MDFIC2: variants seen among roughly 807,000 people sequenced by gnomAD.
MDFIC2 encodes MyoD family inhibitor domain containing 2, also known as myoD family inhibitor domain-containing protein 2.
At chr3:70,281,818 A>T (rs1379835229) in intron 2 of MDFIC2, among the ~76,000 whole-genome samples, 2 of 152,176 alleles carry the variant, frequency 1.3e-5, no homozygotes, top group African/African-American at 4.8e-5. Flanking sequence ...TCATAAGTGC[A>T]CCTTGTTTAC....
In MDFIC2 at chr3:70,276,949, T is replaced by G. The variant is rs73836214; in HGVS notation, c.88+34937A>C. On this transcript the variant is annotated intron_variant, in intron 2 of 3. Transcript: ENST00000567252. ...AATCCTCACATTAATAAAGTGAACA[T>G]GTCTTGGTTTTTCACTGGATTTTTT... Among the ~76,000 whole-genome samples the G allele has an allele frequency of 4.6e-3, 697 of 152,298 alleles. 7 individuals carry two copies. Among genetic ancestry groups the G allele is most frequent in the African/African-American group, 0.016 (658 of 41,564 alleles).
In MDFIC2 at chr3:70,255,756, C is replaced by A. The variant is rs1290733068; in HGVS notation, c.89-48966G>T. ...ACAGGTATGATCCCCCGTACCCAGC[C>A]AGGGGGCTATTTTTCAACTGCAGCT... On this transcript the variant is annotated intron_variant, in intron 2 of 3. Transcript: ENST00000567252. Among the ~76,000 whole-genome samples, 4 of 152,266 alleles carry A rather than the reference C, an allele frequency of 2.6e-5. No homozygotes were observed. In the East Asian group the frequency reaches 7.7e-4, roughly 29 times the overall value.
At chr3:70,206,923 G>A (rs1701297028) in intron 2 of MDFIC2, 133 bp from the exon 3 acceptor site, 2 of 393,242 alleles carry the variant, frequency 5.1e-6, no homozygotes, top group South Asian at 2.9e-4. Flanking sequence ...AAGTATTATT[G>A]AGCAAGACAA....
At chr3:70,278,997 T>G (rs1392297697) in intron 2 of MDFIC2, among the ~76,000 whole-genome samples, 1 of 151,246 alleles carries the variant, frequency 6.6e-6, no homozygotes, top group African/African-American at 2.4e-5. Context: ...TCTGAGAAAA[T>G]CCGTCTATAT....
intron 2 of MDFIC2, among the ~76,000 whole-genome samples, chr3:70,226,154 A>C (rs942295638): frequency 3.3e-5 from 5 of 152,232 alleles, no homozygotes; most frequent in Non-Finnish European, 7.3e-5. Flanking sequence ...GGAGGACAGT[A>C]ATCAGCATTT....
intron 3 of MDFIC2, among the ~76,000 whole-genome samples, chr3:70,202,644 G>A (rs990340413): frequency 6.6e-6 from 1 of 152,078 alleles, no homozygotes; most frequent in Non-Finnish European, 1.5e-5. Context: ...AGACCTGCAG[G>A]CTGCACAGTC....
chr3:70,196,996 A>C lies in MDFIC2; in HGVS notation c.500T>G (p.Phe167Cys). The change falls in exon 4 of 4, where the codon TTT becomes TGT. Residue 167 changes from phenylalanine (F) to cysteine (C), a missense_variant. By Grantham distance (205) the Phe-to-Cys change is radical. Transcript: ENST00000567252. ...SCNCDMDCSL[F>C]ESCHETSECL... ...CTCGCTGGTCTCATGGCAAGATTCA[A>C]AAAGGCTGCAGTCCATGTCACAATT... The C allele has an allele frequency of 2.5e-6, 1 of 398,586 alleles. No individual in the cohort carries two copies. Among genetic ancestry groups the C allele is most frequent in the Non-Finnish European group, 4.4e-6 (1 of 226,042 alleles). 24.7% of individuals were successfully genotyped at this position (398,586 alleles called of 1,614,324 possible).
At chr3:70,292,535 G>C (rs1702248138) in intron 2 of MDFIC2, among the ~76,000 whole-genome samples, 1 of 152,068 alleles carries the variant, frequency 6.6e-6, no homozygotes, top group Non-Finnish European at 1.5e-5. Flanking sequence ...TGGTTTGAGA[G>C]GCATTAAAAA....
intron 2 of MDFIC2, among the ~76,000 whole-genome samples, chr3:70,268,607 GTT>G (rs1247207720): frequency 6.6e-6 from 1 of 152,108 alleles, no homozygotes; most frequent in Non-Finnish European, 1.5e-5. Context: ...CCTTCTATGG[GTT>G]TGGACAAATG....
At chr3:70,244,800 C>T (rs148029671) in intron 2 of MDFIC2, among the ~76,000 whole-genome samples, 337 of 152,314 alleles carry the variant, frequency 2.2e-3, no homozygotes, top group African/African-American at 7.4e-3. Flanking sequence ...ACACATACGT[C>T]TCTATGTATA....
At chr3:70,256,587 G>T (rs1701818655) in intron 2 of MDFIC2, among the ~76,000 whole-genome samples, 1 of 152,172 alleles carries the variant, frequency 6.6e-6, no homozygotes, top group East Asian at 1.9e-4. Context: ...TATGCCACTT[G>T]CTGCTCCATC....
At chr3:70,237,443 G>A (rs190650822) in intron 2 of MDFIC2, among the ~76,000 whole-genome samples, 13 of 152,128 alleles carry the variant, frequency 8.5e-5, no homozygotes, top group Admixed American at 6.6e-4. Flanking sequence ...TTTCTTTTCC[G>A]ATTCCTTTCA....
At chr3:70,300,377 T>C (rs1158559913) in intron 2 of MDFIC2, among the ~76,000 whole-genome samples, 1 of 152,102 alleles carries the variant, frequency 6.6e-6, no homozygotes, top group African/African-American at 2.4e-5. Flanking sequence ...TCGAGTATTA[T>C]TTGTGTTTGA....
At chr3:70,202,823 CT>C (rs1314310682) in intron 3 of MDFIC2, among the ~76,000 whole-genome samples, 1 of 152,094 alleles carries the variant, frequency 6.6e-6, no homozygotes, top group Non-Finnish European at 1.5e-5. Flanking sequence ...AAATGTACAA[CT>C]GGGGACTGGC....
chr3:70,307,695 C>A (rs1702415578), intron 2 of MDFIC2, among the ~76,000 whole-genome samples: 1 of 152,118 alleles, frequency 6.6e-6, no homozygotes, highest in Admixed American at 6.6e-5. Context: ...GGCTCCACCC[C>A]ATTTTGCACA....
At chr3:70,278,496 G>T (rs138207949) in intron 2 of MDFIC2, among the ~76,000 whole-genome samples, 1 of 152,218 alleles carries the variant, frequency 6.6e-6, no homozygotes, top group Non-Finnish European at 1.5e-5. Flanking sequence ...TTCCAGAATG[G>T]TCCCAATTTA....
At chr3:70,306,257 C>A (rs1702399144) in intron 2 of MDFIC2, among the ~76,000 whole-genome samples, 1 of 152,122 alleles carries the variant, frequency 6.6e-6, no homozygotes, top group Non-Finnish European at 1.5e-5. Context: ...GCACTCGCCA[C>A]CACACGTGGC....
chr3:70,199,636 T>C (rs1168170240), intron 3 of MDFIC2, among the ~76,000 whole-genome samples: 1 of 152,184 alleles, frequency 6.6e-6, no homozygotes. Flanking sequence ...CATGAGCAGG[T>C]AAAACTGTTT....
chr3:70,297,973 A>G (rs1026153727), intron 2 of MDFIC2, among the ~76,000 whole-genome samples: 2 of 152,060 alleles, frequency 1.3e-5, no homozygotes, highest in South Asian at 4.2e-4. Flanking sequence ...TGCTACTTAA[A>G]TAATCAGGGG....
Sources: allele counts gnomAD v4.1 joint callset (sites outside exome capture counted in the v4.1 genomes callset), GRCh38; gene constraint gnomAD v4.1.1; transcripts MANE v1.5; gene names NCBI Gene and HGNC (gene_info 2026-07-23, HGNC 2026-07-21).